ALOXE3: variants seen among roughly 807,000 people sequenced by gnomAD.
ALOXE3 encodes arachidonate epidermal lipoxygenase 3.
In ALOXE3, 78 loss-of-function variants were observed where a neutral mutation model predicts 87.5. That is an observed-to-expected ratio of 0.89 (90% CI 0.74 to 1.08). The LOEUF (loss-of-function observed/expected upper bound fraction) is 1.08. Among genes scored for constraint, ALOXE3 ranks in the 50% least tolerant of loss-of-function variants. ALOXE3 has a pLI of 0.00. For synonymous variants in ALOXE3, 363 were observed against 370.8 expected (o/e 0.98, Z 0.24); for missense variants, 946 against 912.4 (o/e 1.04, Z -0.47).
Position 8,108,529 on chromosome 17 carries a change from C to T in ALOXE3, c.1623G>A (p.Ser541=), listed in dbSNP as rs773541451. ...YPSDASVQQD[S]ELQAWTGEIF... ...TCTCGCCAGTCCAGGCCTGCAGCTC[C>T]GAATCCTGCTGCACAGATGCGTCAC... The change falls in exon 13 of 16, where the codon TCG becomes TCA. Residue 541 remains serine, a synonymous_variant. Coordinates refer to ENST00000448843, the MANE Select transcript of ALOXE3 (RefSeq NM_021628.3). The T allele has an allele frequency of 1.9e-6, 3 of 1,613,544 alleles. No homozygotes were observed. Among genetic ancestry groups the T allele is most frequent in the Admixed American group, 1.7e-5 (1 of 60,016 alleles).
chr17:8,118,638 C>T, upstream of ALOXE3: 6 of 1,537,236 alleles, frequency 3.9e-6, no homozygotes, highest in Non-Finnish European at 5.2e-6. Flanking sequence ...CCTGTCACCC[C>T]ATACACCGAT....
chr17:8,099,661 A>C (rs79758896), intron 15 of ALOXE3, among the ~76,000 whole-genome samples: 1 of 116,300 alleles, frequency 8.6e-6, no homozygotes, highest in Non-Finnish European at 2.0e-5. Flanking sequence ...ACTCTGTCTC[A>C]AAAAAAAAAA....
chr17:8,116,593 C>G (rs1267381252), intron 3 of ALOXE3, among the ~76,000 whole-genome samples, 183 bp downstream of exon 3: 1 of 152,154 alleles, frequency 6.6e-6, no homozygotes, highest in Non-Finnish European at 1.5e-5. Context: ...AGAGTCAATA[C>G]CGTCTGCAAA....
chr17:8,109,512 A>T (rs1202154488), intron 11 of ALOXE3, among the ~76,000 whole-genome samples, 169 bp from the exon 12 acceptor site: 2 of 152,180 alleles, frequency 1.3e-5, no homozygotes. Flanking sequence ...GCGCAGCTTG[A>T]CGCCCCATTA....
Position 8,111,497 on chromosome 17 carries a change from G to T in ALOXE3, c.819C>A (p.Phe273Leu). Residue 273 changes from phenylalanine (F) to leucine (L), a missense_variant, in exon 8 of 16, where the codon TTC becomes TTA. By Grantham distance (22) the Phe-to-Leu change is conservative. Coordinates refer to ENST00000448843, the MANE Select transcript of ALOXE3 (RefSeq NM_021628.3). ...CACCATTCAGGTACTGGTACCCAAA[G>T]AAGTGATCTTCACACCAGTGCTCTG... The part of the protein sequence containing the change: ...YVTEHWCEDH[F>L]FGYQYLNGVN... 6.2e-7 allele frequency: 1 copy of T among 1,614,212 alleles called. No individual in the cohort carries two copies. Among genetic ancestry groups the T allele is most frequent in the South Asian group, 1.1e-5 (1 of 91,082 alleles).
intron 14 of ALOXE3, 54 bp downstream of exon 14, chr17:8,104,061 C>G: frequency 1.3e-6 from 2 of 1,531,638 alleles, no homozygotes; most frequent in South Asian, 2.3e-5. Context: ...AAATTCAGGC[C>G]TCAAGTCCAT....
At chr17:8,102,403 G>T (rs1163860896) in intron 15 of ALOXE3, among the ~76,000 whole-genome samples, 2 of 152,152 alleles carry the variant, frequency 1.3e-5, no homozygotes, top group African/African-American at 2.4e-5. Context: ...TGAGGCAGGA[G>T]AATCGCTTAA....
chr17:8,101,658 GT>G (rs2151830398), intron 15 of ALOXE3, among the ~76,000 whole-genome samples: 1 of 151,916 alleles, frequency 6.6e-6, no homozygotes, highest in African/African-American at 2.4e-5. Context: ...TTTGTTTTTT[GT>G]TTTTTGTTTT....
In ALOXE3 at chr17:8,097,747, C is replaced by CTTT. The variant is rs60450170; in HGVS notation, c.1957-944_1957-942dup. ...TATAATTGTTGCCAATACTACTGAT[C>CTTT]TTTTTTTTTTTTTTTTTTGAGACAG... On this transcript the variant is annotated intron_variant, in intron 15 of 15. Transcript: ENST00000448843. 6.3e-3 allele frequency among the ~76,000 whole-genome samples: 813 copies of CTTT among 129,416 alleles called. 15 individuals are homozygous for CTTT. Among genetic ancestry groups the CTTT allele is most frequent in the African/African-American group, 0.023 (748 of 32,892 alleles). 84.9% of individuals were successfully genotyped at this position (129,416 alleles called of 152,430 possible). A position where few individuals can be genotyped will look rare whatever the true frequency, so the allele number is the denominator to read the frequency against.
chr17:8,110,615 G>A (rs968690674), intron 8 of ALOXE3, 87 bp from the exon 9 acceptor site: 1 of 1,578,086 alleles, frequency 6.3e-7, no homozygotes. Flanking sequence ...ACCCCAGAGA[G>A]GAGCTGAGGC....
At chr17:8,101,021 CTTTT>C (rs1189268815) in intron 15 of ALOXE3, among the ~76,000 whole-genome samples, 1 of 111,396 alleles carries the variant, frequency 9.0e-6, no homozygotes, top group African/African-American at 3.2e-5. Flanking sequence ...TGCCAAGCTG[CTTTT>C]TTTTTGTTTT....
intron 15 of ALOXE3, 100 bp from the exon 16 acceptor site, chr17:8,096,906 G>A (rs1310815643): frequency 8.8e-6 from 12 of 1,369,522 alleles, no homozygotes; most frequent in South Asian, 4.8e-5. Context: ...GTGGCTTCTA[G>A]TAGCACAACC....
rs1318200310 is a variant in ALOXE3, at chr17:8,110,283, G to A, written c.1114C>T (p.Pro372Ser). The A allele has an allele frequency of 6.2e-7, 1 of 1,613,976 alleles. No individual in the cohort carries two copies. Among genetic ancestry groups the A allele is most frequent in the Admixed American group, 1.7e-5 (1 of 60,026 alleles). ...VPLAIQLSQTPGPDSPIFLPT... is the reference protein window; with the variant it reads ...VPLAIQLSQTSGPDSPIFLPT... ...AGGAAGATGGGGCTGTCAGGCCCGG[G>A]GGTCTGGCTGAGCTGCGTCCGAAAG... The change falls in exon 10 of 16, where the codon CCC becomes TCC. Residue 372 changes from proline to serine, a missense_variant. Physicochemically the swap from Pro to Ser is moderately conservative, Grantham distance 74. Coordinates refer to ENST00000448843, the MANE Select transcript of ALOXE3 (RefSeq NM_021628.3).
chr17:8,113,800 A>G (rs1228973091), intron 6 of ALOXE3, among the ~76,000 whole-genome samples: 2 of 152,002 alleles, frequency 1.3e-5, no homozygotes, highest in East Asian at 1.9e-4. Context: ...GCAAAGGCAG[A>G]TGGATCACCT....
intron 13 of ALOXE3, 100 bp from the exon 14 acceptor site, chr17:8,104,315 T>C: frequency 1.1e-6 from 1 of 871,412 alleles, no homozygotes; most frequent in East Asian, 2.6e-5. Flanking sequence ...AGTGAGGAAG[T>C]AGGGAACACC....
intron 12 of ALOXE3, 69 bp downstream of exon 12, chr17:8,109,105 C>T (rs1429318035): frequency 2.5e-6 from 4 of 1,594,630 alleles, no homozygotes; most frequent in Non-Finnish European, 3.4e-6. Context: ...GCGCCATGAG[C>T]GCAGGGACCA....
rs775453618 is a variant in ALOXE3 at position 8,103,438 on chromosome 17, G to T, written c.1841C>A (p.Pro614His). 6.2e-7 allele frequency: 1 copy of T among 1,614,172 alleles called. No individual in the cohort carries two copies. Among genetic ancestry groups the T allele is most frequent in the East Asian group, 2.2e-5 (1 of 44,880 alleles). ...NAPSSMRQPP[P>H]QTKGTTTLKT... ...CAGGGTGGTGGTCCCCTTGGTCTGGGGTGGGGGCTGCCTCATGGATGATGG... is the reference window on the plus strand; with the variant it reads ...CAGGGTGGTGGTCCCCTTGGTCTGGTGTGGGGGCTGCCTCATGGATGATGG... The change falls in exon 15 of 16, where the codon CCC (proline) becomes CAC (histidine). Residue 614 changes from proline to histidine, a missense_variant. Pro to His is a moderately conservative substitution (Grantham distance 77, BLOSUM62 -2). Transcript: ENST00000448843.
chr17:8,099,430 G>A (rs985801840), intron 15 of ALOXE3, among the ~76,000 whole-genome samples: 2 of 152,028 alleles, frequency 1.3e-5, no homozygotes, highest in Non-Finnish European at 2.9e-5. Context: ...GGAAGCCTGA[G>A]ATGGGTGGAT....
At chr17:8,116,739 C>T (rs772132093) in intron 3 of ALOXE3, 37 bp downstream of exon 3, 11 of 1,605,012 alleles carry the variant, frequency 6.9e-6, no homozygotes, top group East Asian at 6.7e-5. Context: ...CAAAGGACAC[C>T]TTCTGCAGTA....
Sources: allele counts gnomAD v4.1 joint callset (sites outside exome capture counted in the v4.1 genomes callset), GRCh38; gene constraint gnomAD v4.1.1; transcripts MANE v1.5; gene names NCBI Gene and HGNC (gene_info 2026-07-23, HGNC 2026-07-21).